The following SUCLG2 variants were observed in gnomAD, a reference collection of about 807,000 sequenced individuals.
SUCLG2 encodes the protein succinate-CoA ligase GDP-forming subunit beta.
Under a neutral mutation model 47.9 loss-of-function variants are expected in SUCLG2, and 42 were observed. The observed-to-expected ratio is 0.88, with a 90% confidence interval of 0.69 to 1.14. The LOEUF (loss-of-function observed/expected upper bound fraction) is 1.14. Among genes scored for constraint, SUCLG2 ranks in the 50% most tolerant of loss-of-function variants. The probability of loss-of-function intolerance (pLI) is 0.00; values close to 1 mark genes in which losing one functional copy is unlikely to be tolerated. For missense variants in SUCLG2, 571 were observed against 525.9 expected (o/e 1.09, Z -0.84); for synonymous variants, 195 against 197.3 (o/e 0.99, Z 0.10).
chr3:67,455,669 C>T (rs1160322186), intron 9 of SUCLG2, among the ~76,000 whole-genome samples: 1 of 151,750 alleles, frequency 6.6e-6, no homozygotes, highest in Non-Finnish European at 1.5e-5. Context: ...GTACTGTGCT[C>T]TAGGTACTGG....
chr3:67,421,343 T>C (rs983198900), intron 9 of SUCLG2, among the ~76,000 whole-genome samples: 1 of 152,170 alleles, frequency 6.6e-6, no homozygotes, highest in African/African-American at 2.4e-5. Flanking sequence ...AACAGAGTCC[T>C]TTTTATATTT....
intron 9 of SUCLG2, among the ~76,000 whole-genome samples, chr3:67,412,691 T>C (rs1385447467): frequency 6.6e-6 from 1 of 152,170 alleles, no homozygotes; most frequent in Non-Finnish European, 1.5e-5. Context: ...GATATTCTCT[T>C]CTGGTCAAGT....
In SUCLG2 at chr3:67,375,115, T is replaced by C. The variant is rs189379512; in HGVS notation, c.*629A>G. On this transcript the variant is annotated 3_prime_UTR_variant, in exon 11 of 11. Transcript: ENST00000307227. The stretch of plus-strand genomic sequence containing the variant: ...ACAGTATATTCAATATTAAGGCAAA[T>C]GGTAAAAACACATGGATGGTATATT... The C allele has an allele frequency of 9.3e-5, 92 of 985,650 alleles. No individual in the cohort carries two copies. The African/African-American group carries it at 9.4e-4, about 10-fold the overall frequency. 61.1% of individuals were successfully genotyped at this position (985,650 alleles called of 1,614,324 possible).
At chr3:67,596,935 T>C (rs1418427969) in intron 2 of SUCLG2, among the ~76,000 whole-genome samples, 1 of 152,144 alleles carries the variant, frequency 6.6e-6, no homozygotes, top group East Asian at 1.9e-4. Flanking sequence ...TAAACTGAAA[T>C]GAGCACATAT....
chr3:67,567,720 C>T (rs562734399), intron 2 of SUCLG2, among the ~76,000 whole-genome samples: 4 of 152,192 alleles, frequency 2.6e-5, no homozygotes, highest in Non-Finnish European at 4.4e-5. Flanking sequence ...TTCGAAGACC[C>T]TAAAATTGAT....
intron 9 of SUCLG2, among the ~76,000 whole-genome samples, chr3:67,410,173 A>ATGT: frequency 6.6e-6 from 1 of 152,200 alleles, no homozygotes. Context: ...GTTAGGTGGC[A>ATGT]CAGAGATCTA....
chr3:67,596,139 G>A (rs919012855), intron 2 of SUCLG2, among the ~76,000 whole-genome samples: 1 of 152,204 alleles, frequency 6.6e-6, no homozygotes, highest in African/African-American at 2.4e-5. Context: ...AAAAGGCAAG[G>A]AGTGGTTTGG....
At chr3:67,524,527 C>T (rs998389590) in intron 4 of SUCLG2, among the ~76,000 whole-genome samples, 1 of 152,054 alleles carries the variant, frequency 6.6e-6, no homozygotes, top group Non-Finnish European at 1.5e-5. Context: ...AGTACTAGCC[C>T]CAGGAATACA....
At chr3:67,392,465 G>T (rs115611434) in intron 10 of SUCLG2, among the ~76,000 whole-genome samples, 243 of 152,314 alleles carry the variant, frequency 1.6e-3, no homozygotes, top group Non-Finnish European at 2.3e-3. Flanking sequence ...CAAAGTATTA[G>T]TTAGGCTAGC....
intron 1 of SUCLG2, 34 bp downstream of exon 1, chr3:67,654,469 T>C: frequency 1.6e-6 from 2 of 1,228,516 alleles, no homozygotes; most frequent in Non-Finnish European, 2.0e-6. Flanking sequence ...CCGGCGCCGC[T>C]GCTGGCGCCC....
intron 2 of SUCLG2, among the ~76,000 whole-genome samples, chr3:67,534,168 A>C (rs1575760578): frequency 6.6e-6 from 1 of 152,276 alleles, no homozygotes; most frequent in East Asian, 1.9e-4. Context: ...TCAAATCAAG[A>C]AATTCTTGAC....
At chr3:67,474,861 C>A (rs1704705317) in intron 9 of SUCLG2, among the ~76,000 whole-genome samples, 1 of 152,150 alleles carries the variant, frequency 6.6e-6, no homozygotes, top group Non-Finnish European at 1.5e-5. Flanking sequence ...GTTGTGCCTT[C>A]ATCTCTTTCT....
rs191761683 is a variant in SUCLG2, at chr3:67,452,848, T to A, written c.1062+42950A>T. 1.9e-3 allele frequency among the ~76,000 whole-genome samples: 289 copies of A among 152,350 alleles called. 1 individual carries two copies. Among genetic ancestry groups the A allele is most frequent in the African/African-American group, 6.3e-3 (262 of 41,578 alleles). The stretch of plus-strand genomic sequence containing the variant: ...AGTAGCTTTGTTTACAAGTCATGAA[T>A]ACCATTTTAATTTTGCAGATCTTGG... On this transcript the variant is annotated intron_variant, in intron 9 of 10. Transcript: ENST00000307227.
intron 10 of SUCLG2, among the ~76,000 whole-genome samples, chr3:67,385,362 G>A (rs1010243910): frequency 2.0e-5 from 3 of 152,206 alleles, no homozygotes; most frequent in Non-Finnish European, 4.4e-5. Context: ...GCCCACTCCT[G>A]GGGCAGATAA....
intron 2 of SUCLG2, among the ~76,000 whole-genome samples, chr3:67,604,574 G>C (rs1035515298): frequency 6.6e-6 from 1 of 152,090 alleles, no homozygotes; most frequent in Non-Finnish European, 1.5e-5. Flanking sequence ...GACTGAATTT[G>C]GCGACCAACT....
At chr3:67,515,240 A>G (rs1705911720) in intron 6 of SUCLG2, among the ~76,000 whole-genome samples, 1 of 152,220 alleles carries the variant, frequency 6.6e-6, no homozygotes, top group Non-Finnish European at 1.5e-5. Flanking sequence ...ATTTATCCTA[A>G]GTATAAATAT....
At chr3:67,494,257 A>G (rs7651649) in intron 9 of SUCLG2, among the ~76,000 whole-genome samples, 88,324 of 152,120 alleles carry the variant, frequency 0.58, 26,883 homozygotes, top group Middle Eastern at 0.69. Context: ...CTTAGTAACA[A>G]TTCAGATTTC....
intron 5 of SUCLG2, among the ~76,000 whole-genome samples, chr3:67,518,826 T>C (rs1706021312): frequency 6.6e-6 from 1 of 152,236 alleles, no homozygotes; most frequent in South Asian, 2.1e-4. Flanking sequence ...ACTGTCACTA[T>C]ACATTATTTC....
At chr3:67,502,302 CCAAA>C (rs1359037517) in intron 7 of SUCLG2, among the ~76,000 whole-genome samples, 11 of 152,242 alleles carry the variant, frequency 7.2e-5, no homozygotes, top group East Asian at 1.9e-4. Flanking sequence ...ATACATAGTA[CCAAA>C]CAAACAAAGT....
Sources: allele counts gnomAD v4.1 joint callset (sites outside exome capture counted in the v4.1 genomes callset), GRCh38; gene constraint gnomAD v4.1.1; transcripts MANE v1.5; gene names NCBI Gene and HGNC (gene_info 2026-07-23, HGNC 2026-07-21).